The following ZNF524 variants were observed in gnomAD, a reference collection of about 807,000 sequenced individuals.
The protein encoded by ZNF524 is zinc finger protein 524.
For synonymous variants in ZNF524, 194 were observed against 166.3 expected, an observed-to-expected ratio of 1.17 and a Z score of -1.28; for missense variants, 388 against 380.1, an observed-to-expected ratio of 1.02 and a Z score of -0.17.
chr19:55,600,992 A>G (rs1343276475), intron 1 of ZNF524: 1 of 152,226 alleles, frequency 6.6e-6, no homozygotes, highest in East Asian at 1.9e-4. Context: ...TGCACCAGGC[A>G]GTGTTCGAGG....
At chr19:55,601,426 C>T (rs1980674534) in intron 1 of ZNF524, 1 of 152,220 alleles carries the variant, frequency 6.6e-6, no homozygotes, top group Admixed American at 6.5e-5. Flanking sequence ...TGGGCAAGTA[C>T]GTAGAACTAT....
Position 55,602,474 on chromosome 19 carries a change from G to C in ZNF524, c.362G>C (p.Arg121Pro). 1 of 1,598,364 alleles carries C rather than the reference G, an allele frequency of 6.3e-7. No individual in the cohort carries two copies. Among genetic ancestry groups the C allele is most frequent in the Non-Finnish European group, 8.5e-7 (1 of 1,177,512 alleles). Residue 121 changes from arginine to proline, a missense_variant, in exon 2 of 2, where the codon CGG (arginine) becomes CCG (proline). Arg to Pro is a moderately radical substitution (Grantham distance 103). Transcript: ENST00000301073. ...KAPHFCPVCLRAFPYLSDLER... is the reference protein window; with the variant it reads ...KAPHFCPVCLPAFPYLSDLER... ...CCACACTTCTGCCCGGTGTGCCTGC[G>C]GGCCTTCCCCTACCTCTCCGACCTG... is the stretch of plus-strand genomic sequence containing the variant.
chr19:55,601,988 C>G, intron 1 of ZNF524, 87 bp from the exon 2 acceptor site: 2 of 870,134 alleles, frequency 2.3e-6, no homozygotes, highest in Middle Eastern at 2.8e-4. Flanking sequence ...TGTCAAGAGA[C>G]TTGGAGAGAG....
At position 55,602,478 on chromosome 19, in the gene ZNF524, C is replaced by A. The variant is rs1309393281; in HGVS notation, c.366C>A (p.Ala122=). Residue 122 remains alanine (A), a synonymous_variant, in exon 2 of 2, where the codon GCC becomes GCA. Coordinates refer to ENST00000301073, the MANE Select transcript of ZNF524 (RefSeq NM_153219.4). ...APHFCPVCLR[A]FPYLSDLERH... ...ACTTCTGCCCGGTGTGCCTGCGGGCCTTCCCCTACCTCTCCGACCTGGAGC... is the reference window on the plus strand; with the variant it reads ...ACTTCTGCCCGGTGTGCCTGCGGGCATTCCCCTACCTCTCCGACCTGGAGC... 2 of 1,598,470 alleles carry A rather than the reference C, an allele frequency of 1.3e-6. No individual in the cohort carries two copies. Among genetic ancestry groups the A allele is most frequent in the Non-Finnish European group, 1.7e-6 (2 of 1,177,730 alleles).
rs370134166 is a variant in ZNF524, at chr19:55,602,334, C to T, written c.222C>T (p.Ala74=). Residue 74 remains alanine, a synonymous_variant, in exon 2 of 2, where the codon GCC becomes GCT. Coordinates refer to ENST00000301073, the MANE Select transcript of ZNF524 (RefSeq NM_153219.4). ...TGGTGCAGGTGCAGGGGGTGACAGC[C>T]CCAGTAGGCAGCAGTGGCGGGAGCG... The part of the protein sequence containing the change: ...PPLVQVQGVT[A]PVGSSGGSDL... The T allele has an allele frequency of 9.5e-6, 15 of 1,578,214 alleles. No homozygotes were observed. Among genetic ancestry groups the T allele is most frequent in the Admixed American group, 5.5e-5 (3 of 54,792 alleles).
At position 55,602,134 on chromosome 19, in the gene ZNF524, C is replaced by G; in HGVS notation, c.22C>G (p.Pro8Ala). Residue 8 changes from proline to alanine, a missense_variant, in exon 2 of 2, where the codon CCG becomes GCG. By Grantham distance (27) the Pro-to-Ala change is conservative. Transcript: ENST00000301073. MDTPSPD[P>A]LPSPLPGEEE... ...CTCAATGGACACCCCCAGCCCAGAC[C>G]CGTTGCCTTCGCCTTTGCCCGGGGA... is the stretch of plus-strand genomic sequence containing the variant. 2 of 1,552,964 alleles carry G rather than the reference C, an allele frequency of 1.3e-6. No homozygotes were observed. The highest frequency in any genetic ancestry group is 1.7e-6 in the Non-Finnish European group (2 of 1,148,458).
Position 55,602,373 on chromosome 19 carries a change from C to T in ZNF524, c.261C>T (p.Ile87=), listed in dbSNP as rs756428089. Residue 87 remains isoleucine, a synonymous_variant, in exon 2 of 2, where the codon ATC becomes ATT. Coordinates refer to ENST00000301073, the MANE Select transcript of ZNF524 (RefSeq NM_153219.4). ...GSSGGSDLLL[I]DDQGVPYTVS... ...GTGGCGGGAGCGACCTCCTCCTGATCGATGATCAGGGTGTGCCCTATACGG... is the reference window on the plus strand; with the variant it reads ...GTGGCGGGAGCGACCTCCTCCTGATTGATGATCAGGGTGTGCCCTATACGG... 3.2e-6 allele frequency: 5 copies of T among 1,564,912 alleles called. No homozygotes were observed. In the East Asian group the frequency reaches 7.2e-5, roughly 23 times the overall value.
chr19:55,599,865 A>C (rs372331331), upstream of ZNF524: 38 of 152,218 alleles, frequency 2.5e-4, no homozygotes, highest in African/African-American at 8.7e-4. Context: ...GTACAGTTGG[A>C]CTAGGGAAAA....
chr19:55,599,620 T>C (rs1980534970), upstream of ZNF524: 1 of 152,120 alleles, frequency 6.6e-6, no homozygotes, highest in Non-Finnish European at 1.5e-5. Context: ...TCCCCGCCCT[T>C]CTCCCTCTTT....
In ZNF524 at chr19:55,603,018, T is replaced by C; in HGVS notation, c.*111T>C. The C allele has an allele frequency of 7.5e-7, 1 of 1,335,944 alleles. No homozygotes were observed. Among genetic ancestry groups the C allele is most frequent in the South Asian group, 1.5e-5 (1 of 65,210 alleles). 82.8% of individuals were successfully genotyped at this position (1,335,944 alleles called of 1,614,324 possible). A position where few individuals can be genotyped will look rare whatever the true frequency, so the allele number is the denominator to read the frequency against. ...CCCTTGTTTCCGGTGGTCTTCCCGT[T>C]GTGGGAGCAGGTGGAGGGTGGAGAC... is the stretch of plus-strand genomic sequence containing the variant. On this transcript the variant is annotated 3_prime_UTR_variant, in exon 2 of 2. Transcript: ENST00000301073.
rs912246679 is a variant in ZNF524 at position 55,602,185 on chromosome 19, C to T, written c.73C>T (p.Pro25Ser). Reference sequence around the variant, plus strand: ...GGAAGAGAAACCTCTGGCCTTATCTCCTCCTGTTCCCCGGGGCCGCCGAGG... The same window carrying T: ...GGAAGAGAAACCTCTGGCCTTATCTTCTCCTGTTCCCCGGGGCCGCCGAGG... ...GEEEKPLALS[P>S]PVPRGRRGRR... Residue 25 changes from proline (P) to serine (S), a missense_variant, in exon 2 of 2, where the codon CCT (proline) becomes TCT (serine). Pro to Ser is a moderately conservative substitution (Grantham distance 74, BLOSUM62 -1). Coordinates refer to ENST00000301073, the MANE Select transcript of ZNF524 (RefSeq NM_153219.4). The T allele has an allele frequency of 2.6e-5, 42 of 1,609,454 alleles. No homozygotes were observed. The highest frequency in any genetic ancestry group is 3.4e-5 in the Non-Finnish European group (40 of 1,177,888).
In ZNF524 at chr19:55,603,045, T is replaced by C; in HGVS notation, c.*138T>C. The C allele has an allele frequency of 9.1e-7, 1 of 1,102,996 alleles. No homozygotes were observed. The highest frequency in any genetic ancestry group is 1.3e-6 in the Non-Finnish European group (1 of 785,958). The allele number at this position is 1,102,996 out of a possible 1,614,324, so 68.3% of individuals were successfully genotyped here. A position where few individuals can be genotyped will look rare whatever the true frequency, so the allele number is the denominator to read the frequency against. On this transcript the variant is annotated 3_prime_UTR_variant, in exon 2 of 2. Coordinates refer to ENST00000301073, the MANE Select transcript of ZNF524 (RefSeq NM_153219.4). Reference sequence around the variant, plus strand: ...TGGGAGCAGGTGGAGGGTGGAGACCTAAACTTTGGGGTCCAGCTGCCTTCA... The same window carrying C: ...TGGGAGCAGGTGGAGGGTGGAGACCCAAACTTTGGGGTCCAGCTGCCTTCA...
rs978456406 is a variant in ZNF524 at position 55,602,725 on chromosome 19, C to A, written c.613C>A (p.Leu205Met). ...ERPYQCPICR[L>M]RFTEANTLRR... ...CCCGTACCAGTGCCCCATCTGCCGG[C>A]TGCGCTTTACAGAGGCCAACACGCT... Residue 205 changes from leucine (L) to methionine (M), a missense_variant, in exon 2 of 2, where the codon CTG (leucine) becomes ATG (methionine). By Grantham distance (15) the Leu-to-Met change is conservative. Coordinates refer to ENST00000301073, the MANE Select transcript of ZNF524 (RefSeq NM_153219.4). 17 of 1,605,822 alleles carry A rather than the reference C, an allele frequency of 1.1e-5. No individual in the cohort carries two copies. Among genetic ancestry groups the A allele is most frequent in the Non-Finnish European group, 1.4e-5 (17 of 1,179,764 alleles).
In ZNF524 at chr19:55,602,963, G is replaced by A; in HGVS notation, c.*56G>A. 6.8e-7 allele frequency: 1 copy of A among 1,469,516 alleles called. No homozygotes were observed. The highest frequency in any genetic ancestry group is 2.5e-5 in the East Asian group (1 of 40,248). The allele number at this position is 1,469,516 out of a possible 1,614,324, so 91.0% of individuals were successfully genotyped here. ...AGGTTTAGAGCAGGGAGTTTGGCTG[G>A]TGCTGGGCCTGAGCCAGGGGGCCGG... On this transcript the variant is annotated 3_prime_UTR_variant, in exon 2 of 2. Coordinates refer to ENST00000301073, the MANE Select transcript of ZNF524 (RefSeq NM_153219.4).
At position 55,602,555 on chromosome 19, in the gene ZNF524, G is replaced by T; in HGVS notation, c.443G>T (p.Gly148Val). The T allele has an allele frequency of 2.5e-6, 4 of 1,590,342 alleles. No homozygotes were observed. The highest frequency in any genetic ancestry group is 3.4e-6 in the Non-Finnish European group (4 of 1,174,476). The change falls in exon 2 of 2, where the codon GGC becomes GTC. Residue 148 changes from glycine to valine, a missense_variant. By Grantham distance (109) the Gly-to-Val change is moderately radical. Transcript: ENST00000301073. Reference protein sequence around the residue: ...ELKPHQCKVCGKTFKRSSHLR... With the variant: ...ELKPHQCKVCVKTFKRSSHLR... ...AAGCCGCACCAGTGCAAGGTTTGCG[G>T]CAAGACCTTCAAGCGCTCCAGCCAC...
chr19:55,602,148 T>G lies in ZNF524; in HGVS notation c.36T>G (p.Pro12=), dbSNP rs1449581448. The change falls in exon 2 of 2, where the codon CCT becomes CCG. Residue 12 remains proline (P), a synonymous_variant. Transcript: ENST00000301073. The part of the protein sequence containing the change: ...DTPSPDPLPS[P]LPGEEEKPLA... ...CCAGCCCAGACCCGTTGCCTTCGCC[T>G]TTGCCCGGGGAGGAAGAGAAACCTC... is the stretch of plus-strand genomic sequence containing the variant. 10 of 1,566,184 alleles carry G rather than the reference T, an allele frequency of 6.4e-6. No individual in the cohort carries two copies. Among genetic ancestry groups the G allele is most frequent in the Non-Finnish European group, 8.7e-6 (10 of 1,154,550 alleles).
upstream of ZNF524, chr19:55,600,169 G>A (rs993341159): frequency 6.6e-6 from 1 of 152,026 alleles, no homozygotes; most frequent in Admixed American, 6.5e-5. Context: ...GCGTGGCCGC[G>A]ACCGGTCGTT....
chr19:55,602,829 G>T lies in ZNF524; in HGVS notation c.717G>T (p.Pro239=), dbSNP rs147166786. Residue 239 remains proline (P), a synonymous_variant, in exon 2 of 2, where the codon CCG becomes CCT. Transcript: ENST00000301073. ...CACCAGATCCAGGGTCTGAACCGCC[G>T]TGGGACGAGGAGGGCATCCCGGCCA... The part of the protein sequence containing the change: ...LCAPDPGSEP[P]WDEEGIPATA... 6.2e-7 allele frequency: 1 copy of T among 1,610,044 alleles called. No homozygotes were observed. Among genetic ancestry groups the T allele is most frequent in the Admixed American group, 1.7e-5 (1 of 59,566 alleles).
rs765506389 is a variant in ZNF524, at chr19:55,603,003, C to T, written c.*96C>T. 2.7e-5 allele frequency: 38 copies of T among 1,393,280 alleles called. No homozygotes were observed. Among genetic ancestry groups the T allele is most frequent in the Middle Eastern group, 2.6e-4 (1 of 3,840 alleles). The allele number at this position is 1,393,280 out of a possible 1,614,324, so 86.3% of individuals were successfully genotyped here. On this transcript the variant is annotated 3_prime_UTR_variant, in exon 2 of 2. Transcript: ENST00000301073. The stretch of plus-strand genomic sequence containing the variant: ...CAGGGGGCCGGGACACCCTTGTTTC[C>T]GGTGGTCTTCCCGTTGTGGGAGCAG...
Sources: gnomAD v4.1 joint callset for allele counts on GRCh38, gnomAD v4.1.1 for gene constraint, MANE v1.5 for transcripts, NCBI Gene and HGNC (gene_info 2026-07-23, HGNC 2026-07-21) for gene names.